USP54: variants seen among roughly 807,000 people sequenced by gnomAD.
USP54 encodes the protein ubiquitin specific peptidase 54, also known as ubiquitin carboxyl-terminal hydrolase 54.
USP54 carries 87 observed loss-of-function variants against 170.5 expected under a neutral mutation model. The observed-to-expected ratio is 0.51, with a 90% confidence interval of 0.43 to 0.61. USP54 has a LOEUF of 0.61. USP54 is among the 20% of genes least tolerant of loss of function. USP54 has a pLI of 0.00. For synonymous variants in USP54, 655 were observed against 742.8 expected (o/e 0.88, Z 1.92); for missense variants, 1,786 against 2,047.8 (o/e 0.87, Z 2.47).
chr10:73,599,880 A>C (rs1172516626), intron 1 of USP54, among the ~76,000 whole-genome samples: 1 of 151,682 alleles, frequency 6.6e-6, no homozygotes, highest in East Asian at 1.9e-4. Flanking sequence ...CAATGAACCA[A>C]AATCGATTGC....
At chr10:73,534,836 A>C in intron 11 of USP54, 66 bp from the exon 12 acceptor site, 1 of 1,485,636 alleles carries the variant, frequency 6.7e-7, no homozygotes, top group Non-Finnish European at 9.3e-7. Context: ...GAGAAGGAAA[A>C]GAGATGGACA....
chr10:73,507,724 A>G (rs1430557018), intron 20 of USP54, among the ~76,000 whole-genome samples: 3 of 150,862 alleles, frequency 2.0e-5, no homozygotes, highest in African/African-American at 7.3e-5. Context: ...GTGGTAGCTC[A>G]TGCCTGTAAT....
chr10:73,550,507 A>G (rs1179341350), intron 4 of USP54, among the ~76,000 whole-genome samples: 1 of 152,156 alleles, frequency 6.6e-6, no homozygotes, highest in African/African-American at 2.4e-5. Flanking sequence ...TATCTGTCAT[A>G]CTATATATTT....
At chr10:73,510,555 C>T (rs1187745988) in intron 20 of USP54, among the ~76,000 whole-genome samples, 1 of 151,102 alleles carries the variant, frequency 6.6e-6, no homozygotes, top group Admixed American at 6.6e-5. Flanking sequence ...GGTGATTCTC[C>T]TGCCTCAGCC....
chr10:73,587,195 C>T (rs371013787), intron 1 of USP54, among the ~76,000 whole-genome samples: 2 of 152,112 alleles, frequency 1.3e-5, no homozygotes, highest in African/African-American at 4.8e-5. Context: ...CTCTGCAGGC[C>T]GGGTGCAGTG....
intron 4 of USP54, among the ~76,000 whole-genome samples, chr10:73,562,211 T>G (rs1277828707): frequency 6.6e-6 from 1 of 152,218 alleles, no homozygotes; most frequent in Admixed American, 6.5e-5. Context: ...ATGGTTGCAG[T>G]GCTTTTCTAT....
At position 73,536,301 on chromosome 10, in the gene USP54, T is replaced by C; in HGVS notation, c.1112A>G (p.Tyr371Cys). Residue 371 changes from tyrosine (Y) to cysteine (C), a missense_variant, in exon 11 of 24, where the codon TAC (tyrosine) becomes TGC (cysteine). By Grantham distance (194) the Tyr-to-Cys change is radical (BLOSUM62 -2). Coordinates refer to ENST00000687698, the MANE Select transcript of USP54 (RefSeq NM_001391956.1). ...TTCACTGTCGTAGCATGTCCTGCTGTATGACTGGAACTCAGCTTGGGGAGG... is the reference window on the plus strand; with the variant it reads ...TTCACTGTCGTAGCATGTCCTGCTGCATGACTGGAACTCAGCTTGGGGAGG... ...DLPPQAEFQS[Y>C]SRTCYDSEDS... 6.2e-7 allele frequency: 1 copy of C among 1,614,156 alleles called. No homozygotes were observed. Among genetic ancestry groups the C allele is most frequent in the South Asian group, 1.1e-5 (1 of 91,080 alleles).
At position 73,519,838 on chromosome 10, in the gene USP54, G is replaced by A. The variant is rs2061634457; in HGVS notation, c.2637C>T (p.Ala879=). ...GAGTCCCCGCCTGTGTTGGGAGGCA[G>A]GCTGAGGGCTGCGACGGCTGCTGTG... ...QSPQQPSQPS[A]CLPTQAGTLS... is the part of the protein sequence containing the mutation. Residue 879 remains alanine, a synonymous_variant, in exon 19 of 24, where the codon GCC becomes GCT. Transcript: ENST00000687698. 1.9e-6 allele frequency: 3 copies of A among 1,614,152 alleles called. No homozygotes were observed. The highest frequency in any genetic ancestry group is 2.2e-5 in the East Asian group (1 of 44,880).
At chr10:73,505,077 A>G in intron 21 of USP54, 87 bp from the exon 22 acceptor site, 1 of 1,575,564 alleles carries the variant, frequency 6.3e-7, no homozygotes, top group African/African-American at 1.3e-5. Context: ...TATGGGAAAG[A>G]GTAGGGGAAG....
chr10:73,584,722 C>T (rs3087937), intron 1 of USP54, among the ~76,000 whole-genome samples: 2 of 152,000 alleles, frequency 1.3e-5, no homozygotes, highest in African/African-American at 4.8e-5. Context: ...GGTTTAAACA[C>T]ATTTTCCCTA....
chr10:73,605,113 CTG>C (rs1433078292), intron 1 of USP54, among the ~76,000 whole-genome samples: 1 of 152,110 alleles, frequency 6.6e-6, no homozygotes, highest in Admixed American at 6.6e-5. Context: ...GCACTGATTG[CTG>C]TGTTTACAAT....
In USP54 at chr10:73,575,715, G is replaced by A. The variant is rs1220388258; in HGVS notation, c.-17-40C>T. 3.3e-6 allele frequency: 5 copies of A among 1,498,678 alleles called. No individual in the cohort carries two copies. The Admixed American group carries it at 8.6e-5, about 26-fold the overall frequency. The allele number at this position is 1,498,678 out of a possible 1,614,324, so 92.8% of individuals were successfully genotyped here. A position where few individuals can be genotyped will look rare whatever the true frequency, so the allele number is the denominator to read the frequency against. ...GAGAAGGATTTGTGCCTTTTTGGCA[G>A]GAATTTCTGTCTGCTAAAGTTCTAA... On this transcript the variant is annotated intron_variant, in intron 2 of 23. Transcript: ENST00000687698.
At chr10:73,612,259 C>T (rs2080210632) in intron 1 of USP54, among the ~76,000 whole-genome samples, 1 of 152,002 alleles carries the variant, frequency 6.6e-6, no homozygotes, top group Non-Finnish European at 1.5e-5. Flanking sequence ...AAATGCAACC[C>T]CTCTAACTCA....
intron 20 of USP54, among the ~76,000 whole-genome samples, chr10:73,512,216 C>T (rs778645815): frequency 1.8e-4 from 28 of 151,890 alleles, no homozygotes; most frequent in Non-Finnish European, 3.8e-4. Context: ...CACAGCTCGC[C>T]GCAGCCTCAA....
intron 4 of USP54, among the ~76,000 whole-genome samples, chr10:73,562,044 T>C (rs1564838175): frequency 6.6e-6 from 1 of 151,754 alleles, no homozygotes; most frequent in Non-Finnish European, 1.5e-5. Flanking sequence ...GAGGTTGCAG[T>C]GAGCCGAGAT....
At chr10:73,508,482 G>A (rs1320545115) in intron 20 of USP54, among the ~76,000 whole-genome samples, 1 of 151,556 alleles carries the variant, frequency 6.6e-6, no homozygotes, top group Non-Finnish European at 1.5e-5. Flanking sequence ...ATAGAAGAAA[G>A]GGTTAAGATG....
intron 12 of USP54, among the ~76,000 whole-genome samples, chr10:73,533,274 C>A (rs1489542774): frequency 6.6e-6 from 1 of 151,814 alleles, no homozygotes; most frequent in Non-Finnish European, 1.5e-5. Flanking sequence ...CCACTGCACT[C>A]CAGCCTGGGC....
chr10:73,530,163 C>T lies in USP54; in HGVS notation c.1808G>A (p.Ser603Asn). The T allele has an allele frequency of 1.9e-6, 3 of 1,612,910 alleles. No homozygotes were observed. The highest frequency in any genetic ancestry group is 2.5e-6 in the Non-Finnish European group (3 of 1,179,558). Residue 603 changes from serine to asparagine, a missense_variant, in exon 14 of 24, where the codon AGC becomes AAC. Ser to Asn is a conservative substitution (Grantham distance 46). Around this residue, in one of 3 missense-constraint regions of USP54, gnomAD observed 1,418 missense variants for 1,569.0 expected, o/e 0.90. Coordinates refer to ENST00000687698, the MANE Select transcript of USP54 (RefSeq NM_001391956.1). Reference protein sequence around the residue: ...KRKHCGYTQLSPFSEDSAKEF... With the variant: ...KRKHCGYTQLNPFSEDSAKEF... Reference sequence around the variant, plus strand: ...CTCACCTGAATCCTCAGAAAAGGGGCTAAGCTGGGTATAGCCACAGTGCTT... The same window carrying T: ...CTCACCTGAATCCTCAGAAAAGGGGTTAAGCTGGGTATAGCCACAGTGCTT...
intron 5 of USP54, 73 bp from the exon 6 acceptor site, chr10:73,543,204 A>G (rs2066995273): frequency 9.6e-7 from 1 of 1,043,328 alleles, no homozygotes. Context: ...TAAGCAGCTT[A>G]CCCATAGAAA....
Sources: gnomAD v4.1 joint callset for allele counts (sites outside exome capture counted in the v4.1 genomes callset) on GRCh38, gnomAD v4.1.1 for gene constraint, gnomAD v4.1.1 regional missense constraint, MANE v1.5 for transcripts, NCBI Gene and HGNC (gene_info 2026-07-23, HGNC 2026-07-21) for gene names.